Variants in CCSER1 observed in about 807,000 individuals in gnomAD.
The protein encoded by CCSER1 is coiled-coil serine rich protein 1.
Under a neutral mutation model 82.0 loss-of-function variants are expected in CCSER1, and 41 were observed. The observed-to-expected ratio is 0.50, with a 90% CI of 0.39 to 0.65. The LOEUF is 0.65. Among genes scored for constraint, CCSER1 ranks in the 30% least tolerant of loss-of-function variants. The pLI is 0.00. For synonymous variants in CCSER1, 414 were observed against 383.9 expected (o/e 1.08, Z -0.92); for missense variants, 1,119 against 1,064.2 (o/e 1.05, Z -0.72).
rs529853934 is a variant in CCSER1 at position 91,159,553 on chromosome 4, G to A, written c.2217+73559G>A. ...ATACATTAGGTATTATTGGATCACA[G>A]TTGAGAAGCATTTTTGTCCTTTAAG... is the stretch of plus-strand genomic sequence containing the variant. On this transcript the variant is annotated intron_variant, in intron 10 of 10. Transcript: ENST00000509176. 3.3e-3 allele frequency among the ~76,000 whole-genome samples: 507 copies of A among 151,988 alleles called. 1 individual carries two copies. The highest frequency in any genetic ancestry group is 0.012 in the African/African-American group (479 of 41,532).
At chr4:91,282,672 T>G (rs1743004189) in intron 10 of CCSER1, among the ~76,000 whole-genome samples, 1 of 152,198 alleles carries the variant, frequency 6.6e-6, no homozygotes, top group African/African-American at 2.4e-5. Context: ...ATCGTGCAAA[T>G]ATTTGACAAG....
intron 3 of CCSER1, among the ~76,000 whole-genome samples, chr4:90,350,099 T>C (rs1465934401): frequency 1.3e-5 from 2 of 152,182 alleles, no homozygotes; most frequent in African/African-American, 2.4e-5. Flanking sequence ...ACAATCATTA[T>C]TGAATTAATA....
chr4:91,525,152 C>T (rs1246364936), intron 10 of CCSER1, among the ~76,000 whole-genome samples: 2 of 151,838 alleles, frequency 1.3e-5, no homozygotes, highest in Non-Finnish European at 2.9e-5. Context: ...ATAGTTGAGG[C>T]TAATTGAAAT....
chr4:90,228,346 C>T (rs1366759891), intron 1 of CCSER1, among the ~76,000 whole-genome samples: 2 of 152,108 alleles, frequency 1.3e-5, no homozygotes, highest in East Asian at 1.9e-4. Context: ...CTGGGAGGCA[C>T]CCCCCAGCAG....
chr4:91,514,708 A>AGGCACCAT (rs1760007485), intron 10 of CCSER1, among the ~76,000 whole-genome samples: 2 of 152,134 alleles, frequency 1.3e-5, no homozygotes, highest in African/African-American at 2.4e-5. Flanking sequence ...TCAGCAAGCT[A>AGGCACCAT]GGCACCATGG....
intron 10 of CCSER1, among the ~76,000 whole-genome samples, chr4:91,351,764 G>T (rs1161327697): frequency 2.0e-5 from 3 of 151,576 alleles, no homozygotes; most frequent in Non-Finnish European, 4.4e-5. Flanking sequence ...TAAATGTTAT[G>T]ATTTTTTTTT....
At chr4:90,616,718 C>T (rs906079995) in intron 5 of CCSER1, among the ~76,000 whole-genome samples, 6 of 127,348 alleles carry the variant, frequency 4.7e-5, no homozygotes, top group African/African-American at 2.2e-4. Flanking sequence ...CACACACACA[C>T]ACACACACAC....
At chr4:90,570,872 G>A (rs138419998) in intron 5 of CCSER1, among the ~76,000 whole-genome samples, 1 of 151,762 alleles carries the variant, frequency 6.6e-6, no homozygotes, top group East Asian at 1.9e-4. Flanking sequence ...TTGTGTTTAC[G>A]CCCAAGGCCT....
At chr4:90,360,384 G>A (rs1458624508) in intron 3 of CCSER1, among the ~76,000 whole-genome samples, 1 of 149,124 alleles carries the variant, frequency 6.7e-6, no homozygotes, top group Non-Finnish European at 1.5e-5. Context: ...AAAAAAATTA[G>A]CCGGGTGTGG....
chr4:91,410,284 A>T (rs1200650698), intron 10 of CCSER1, among the ~76,000 whole-genome samples: 1 of 152,148 alleles, frequency 6.6e-6, no homozygotes, highest in Non-Finnish European at 1.5e-5. Flanking sequence ...GATTTTTTTC[A>T]ATTTAAAATA....
chr4:91,549,296 A>G (rs1762046970), intron 10 of CCSER1, among the ~76,000 whole-genome samples: 1 of 152,114 alleles, frequency 6.6e-6, no homozygotes, highest in African/African-American at 2.4e-5. Flanking sequence ...ATCTTAGCAT[A>G]TTAATCATAG....
intron 7 of CCSER1, among the ~76,000 whole-genome samples, chr4:90,806,607 A>G (rs1345070264): frequency 6.6e-6 from 1 of 152,104 alleles, no homozygotes; most frequent in Non-Finnish European, 1.5e-5. Flanking sequence ...AGCTTTTTCA[A>G]GGGTCAGCCT....
chr4:90,262,009 T>C lies in CCSER1; in HGVS notation c.-41-46235T>C, dbSNP rs79274942. 4.8e-4 allele frequency among the ~76,000 whole-genome samples: 73 copies of C among 152,250 alleles called. No homozygotes were observed. In the East Asian group the frequency reaches 0.011, roughly 23 times the overall value. On this transcript the variant is annotated intron_variant, in intron 1 of 10. Coordinates refer to ENST00000509176, the MANE Select transcript of CCSER1 (RefSeq NM_001145065.2). ...TTTTTCACTTATATATTGAATTTTT[T>C]TTAAATTTATTTTTGTTGATTTTCA...
At chr4:91,168,341 A>T (rs1424826251) in intron 10 of CCSER1, among the ~76,000 whole-genome samples, 2 of 128,172 alleles carry the variant, frequency 1.6e-5, no homozygotes, top group East Asian at 2.5e-4. Flanking sequence ...CCCTCTGGGA[A>T]GTGAGGAGCG....
chr4:90,535,790 A>T (rs1775243806), intron 5 of CCSER1, among the ~76,000 whole-genome samples: 1 of 152,182 alleles, frequency 6.6e-6, no homozygotes, highest in African/African-American at 2.4e-5. Flanking sequence ...GGCAGCACAC[A>T]TTAAAAAAAT....
intron 5 of CCSER1, among the ~76,000 whole-genome samples, chr4:90,477,957 A>G (rs559453995): frequency 2.0e-5 from 3 of 152,254 alleles, no homozygotes; most frequent in South Asian, 4.1e-4. Flanking sequence ...TAAAACAGCA[A>G]TTTTGTCATC....
chr4:90,943,511 C>T (rs1468091596), intron 9 of CCSER1, among the ~76,000 whole-genome samples: 1 of 151,942 alleles, frequency 6.6e-6, no homozygotes, highest in African/African-American at 2.4e-5. Flanking sequence ...TAAAACTTTA[C>T]GCAATATACT....
At chr4:90,330,770 A>G (rs1078766) in intron 3 of CCSER1, among the ~76,000 whole-genome samples, 8,422 of 152,232 alleles carry the variant, frequency 0.055, 645 homozygotes, top group African/African-American at 0.17. Context: ...GGAACTTACT[A>G]TTACGCTGCT....
chr4:91,373,691 G>A (rs565266237), intron 10 of CCSER1, among the ~76,000 whole-genome samples: 75 of 152,198 alleles, frequency 4.9e-4, no homozygotes, highest in Non-Finnish European at 9.0e-4. Context: ...TTTCTGACAA[G>A]GGAAACAGTC....
Sources: gnomAD v4.1 joint callset for allele counts (sites outside exome capture counted in the v4.1 genomes callset) on GRCh38, gnomAD v4.1.1 for gene constraint, MANE v1.5 for transcripts, NCBI Gene and HGNC (gene_info 2026-07-23, HGNC 2026-07-21) for gene names.